Variants in VWA8 observed in about 807,000 individuals in gnomAD.
The protein encoded by VWA8 is von Willebrand factor A domain containing 8.
VWA8 carries 221 observed loss-of-function variants against 241.5 expected under a neutral mutation model. That is an observed-to-expected ratio of 0.91 (90% CI 0.82 to 1.02). VWA8 has a LOEUF of 1.02. Among genes scored for constraint, VWA8 ranks in the 50% least tolerant of loss-of-function variants. The pLI, the probability that VWA8 is intolerant of heterozygous loss-of-function variation, is 0.00. For missense variants in VWA8, 2,322 were observed against 2,328.7 expected (o/e 1.00, Z 0.06); for synonymous variants, 852 against 827.1 (o/e 1.03, Z -0.52).
intron 1 of VWA8, among the ~76,000 whole-genome samples, chr13:41,956,054 GT>G (rs1299121514): frequency 2.0e-5 from 3 of 152,214 alleles, no homozygotes; most frequent in Non-Finnish European, 4.4e-5. Flanking sequence ...AGTTTAGTGA[GT>G]CTAAAGTTTC....
At chr13:41,599,651 G>A (rs4299049) in intron 40 of VWA8, among the ~76,000 whole-genome samples, 51,893 of 152,010 alleles carry the variant, frequency 0.34, 9,225 homozygotes, top group South Asian at 0.4. Flanking sequence ...TTCTTGAGAG[G>A]TTTTAAACTG....
chr13:41,798,074 A>AT (rs1378016150), intron 17 of VWA8, among the ~76,000 whole-genome samples: 1 of 152,130 alleles, frequency 6.6e-6, no homozygotes, highest in East Asian at 1.9e-4. Flanking sequence ...CACATACTTG[A>AT]ACTAATGAAG....
intron 23 of VWA8, among the ~76,000 whole-genome samples, chr13:41,728,430 C>T (rs1224148225): frequency 6.6e-6 from 1 of 151,992 alleles, no homozygotes; most frequent in Non-Finnish European, 1.5e-5. Flanking sequence ...AAAATGTCAG[C>T]TACAATCATA....
At chr13:41,745,057 G>A (rs2045594601) in intron 21 of VWA8, among the ~76,000 whole-genome samples, 1 of 151,878 alleles carries the variant, frequency 6.6e-6, no homozygotes, top group Admixed American at 6.6e-5. Context: ...AGCCAGGATG[G>A]TCTCATCTCC....
At chr13:41,677,461 G>A (rs527405960) in intron 35 of VWA8, among the ~76,000 whole-genome samples, 2 of 152,150 alleles carry the variant, frequency 1.3e-5, no homozygotes, top group Non-Finnish European at 2.9e-5. Context: ...GAGAGATGAA[G>A]AAACTGAGGC....
intron 18 of VWA8, among the ~76,000 whole-genome samples, chr13:41,784,659 T>C (rs1869055684): frequency 1.3e-5 from 1 of 78,936 alleles, no homozygotes; most frequent in Non-Finnish European, 3.2e-5. Flanking sequence ...TGCAACCTTG[T>C]CTCTCTCTCT....
intron 9 of VWA8, among the ~76,000 whole-genome samples, chr13:41,882,303 G>A (rs1045252184): frequency 1.3e-5 from 2 of 150,434 alleles, no homozygotes; most frequent in African/African-American, 2.5e-5. Context: ...GGGCAGAGAC[G>A]CTCCTCACTT....
intron 42 of VWA8, among the ~76,000 whole-genome samples, chr13:41,586,581 A>G (rs1189506168): frequency 1.4e-4 from 22 of 152,204 alleles, no homozygotes; most frequent in Admixed American, 1.4e-3. Context: ...TATCCTTAAT[A>G]ATAGGCCTAA....
chr13:41,756,620 T>C lies in VWA8; in HGVS notation c.2426+4508A>G, dbSNP rs190147038. On this transcript the variant is annotated intron_variant, in intron 21 of 44. Coordinates refer to ENST00000379310, the MANE Select transcript of VWA8 (RefSeq NM_015058.2). Reference sequence around the variant, plus strand: ...TTGTTTTCACTTTAAGTTGATAGTATATACTTATATGGCATCTGTATATAC... The same window carrying C: ...TTGTTTTCACTTTAAGTTGATAGTACATACTTATATGGCATCTGTATATAC... 1.8e-3 allele frequency among the ~76,000 whole-genome samples: 271 copies of C among 151,878 alleles called. 1 individual carries two copies. The highest frequency in any genetic ancestry group is 3.3e-3 in the Non-Finnish European group (223 of 67,736).
At chr13:41,801,223 C>T (rs1483414668) in intron 17 of VWA8, among the ~76,000 whole-genome samples, 2 of 151,776 alleles carry the variant, frequency 1.3e-5, no homozygotes, top group Non-Finnish European at 2.9e-5. Context: ...CTGCAGAATG[C>T]TTTGAAAGTC....
intron 12 of VWA8, among the ~76,000 whole-genome samples, chr13:41,863,419 G>A (rs367695086): frequency 6.1e-4 from 43 of 70,092 alleles, no homozygotes; most frequent in Admixed American, 1.1e-3. Flanking sequence ...GTGTGTGTGT[G>A]TGTGTGTGTG....
chr13:41,574,684 T>C (rs747569936), intron 43 of VWA8, among the ~76,000 whole-genome samples: 3 of 152,180 alleles, frequency 2.0e-5, no homozygotes, highest in Admixed American at 6.5e-5. Context: ...ACTAAGGCTA[T>C]AGTTACCAAA....
At chr13:41,909,583 A>G (rs911598052) in intron 3 of VWA8, among the ~76,000 whole-genome samples, 9 of 152,216 alleles carry the variant, frequency 5.9e-5, no homozygotes, top group Admixed American at 2.0e-4. Flanking sequence ...ATCTCCCTCA[A>G]TGAAAAACCC....
chr13:41,905,438 C>T (rs1307943970), intron 4 of VWA8, among the ~76,000 whole-genome samples: 1 of 151,952 alleles, frequency 6.6e-6, no homozygotes, highest in Non-Finnish European at 1.5e-5. Flanking sequence ...TAAAATTATA[C>T]TATAAAATTA....
chr13:41,742,340 G>A (rs1258813054), intron 21 of VWA8, among the ~76,000 whole-genome samples: 4 of 152,166 alleles, frequency 2.6e-5, no homozygotes, highest in Non-Finnish European at 4.4e-5. Context: ...GCATCATGCT[G>A]GAAGTAGGAA....
chr13:41,869,555 C>T (rs1394149042), intron 9 of VWA8, among the ~76,000 whole-genome samples: 1 of 146,440 alleles, frequency 6.8e-6, no homozygotes, highest in East Asian at 2.0e-4. Context: ...TCCCTTGAAC[C>T]CAGAGACAGA....
rs533635699 is a variant in VWA8 at position 41,570,651 on chromosome 13, G to A, written c.5426C>T (p.Thr1809Ile). The A allele has an allele frequency of 4.3e-6, 7 of 1,614,210 alleles. No individual in the cohort carries two copies. The East Asian group carries it at 1.3e-4, about 31-fold the overall frequency. Reference protein sequence around the residue: ...CMSGDHTLEGTEHAIKEIVKE... With the variant: ...CMSGDHTLEGIEHAIKEIVKE... Reference sequence around the variant, plus strand: ...GACAATTTCCTTGATGGCATGTTCTGTCCCTTCTAACGTGTGGTCCCCACT... The same window carrying A: ...GACAATTTCCTTGATGGCATGTTCTATCCCTTCTAACGTGTGGTCCCCACT... The change falls in exon 44 of 45, where the codon ACA becomes ATA. Residue 1809 changes from threonine to isoleucine, a missense_variant. Thr to Ile is a moderately conservative substitution (Grantham distance 89, BLOSUM62 -1). Coordinates refer to ENST00000379310, the MANE Select transcript of VWA8 (RefSeq NM_015058.2).
chr13:41,916,304 T>C (rs1876253245), intron 2 of VWA8, among the ~76,000 whole-genome samples: 2 of 152,216 alleles, frequency 1.3e-5, no homozygotes, highest in Non-Finnish European at 1.5e-5. Flanking sequence ...ATACCTAAGT[T>C]GTTTAAGTCC....
chr13:41,697,128 C>T (rs2137822930), intron 29 of VWA8, among the ~76,000 whole-genome samples: 1 of 152,320 alleles, frequency 6.6e-6, no homozygotes, highest in Admixed American at 6.5e-5. Flanking sequence ...CTTCAAGTTG[C>T]TCAGTCCCTA....
Sources: gnomAD v4.1 joint callset for allele counts (sites outside exome capture counted in the v4.1 genomes callset) on GRCh38, gnomAD v4.1.1 for gene constraint, MANE v1.5 for transcripts, NCBI Gene and HGNC (gene_info 2026-07-23, HGNC 2026-07-21) for gene names.